DIS3L2: variants seen among roughly 807,000 people sequenced by gnomAD.
DIS3L2 encodes the protein DIS3-like exonuclease 2.
In DIS3L2, 34 loss-of-function variants were observed where a neutral mutation model predicts 97.5. The ratio of observed to expected loss-of-function variants is 0.35; its 90% CI spans 0.27 to 0.46. The LOEUF is 0.46. Among genes scored for constraint, DIS3L2 ranks in the 20% least tolerant of loss-of-function variants. The pLI, the probability that DIS3L2 is intolerant of heterozygous loss-of-function variation, is 1.00. For synonymous variants in DIS3L2, 435 were observed against 445.2 expected, an observed-to-expected ratio of 0.98 and a Z score of 0.29; for missense variants, 1,038 against 1,146.0, an observed-to-expected ratio of 0.91 and a Z score of 1.36.
chr2:232,249,042 C>A (rs1693343382), intron 11 of DIS3L2, among the ~76,000 whole-genome samples, 197 bp from the exon 12 acceptor site: 1 of 152,216 alleles, frequency 6.6e-6, no homozygotes, highest in Non-Finnish European at 1.5e-5. Flanking sequence ...TTTCCCAGCT[C>A]ATATTCCTAT....
chr2:232,272,803 C>A (rs1024733372), intron 13 of DIS3L2, among the ~76,000 whole-genome samples: 19 of 152,204 alleles, frequency 1.2e-4, no homozygotes, highest in African/African-American at 4.6e-4. Flanking sequence ...GTGCGACCTT[C>A]TCTGCTAGGT....
Position 231,967,925 on chromosome 2 carries a change from AT to A in DIS3L2, c.-94+6163del, listed in dbSNP as rs1304161939. 2.6e-5 allele frequency among the ~76,000 whole-genome samples: 4 copies of A among 152,238 alleles called. No homozygotes were observed. The East Asian group carries it at 7.7e-4, about 29-fold the overall frequency. On this transcript the variant is annotated intron_variant, in intron 1 of 20. Transcript: ENST00000325385. Reference sequence around the variant, plus strand: ...AATTTATTTGATTGATTTAAGACTGATTTATTGAGGTATAGTTGACAGGTTA... The same window carrying A: ...AATTTATTTGATTGATTTAAGACTGATTATTGAGGTATAGTTGACAGGTTA...
downstream of DIS3L2, among the ~76,000 whole-genome samples, chr2:232,337,627 C>T (rs532433965): frequency 4.6e-5 from 7 of 152,122 alleles, no homozygotes; most frequent in Non-Finnish European, 8.8e-5. Flanking sequence ...GGGGAAGCTC[C>T]GTGGCTTGGC....
intron 5 of DIS3L2, among the ~76,000 whole-genome samples, chr2:232,082,399 G>A (rs1559607677): frequency 1.3e-5 from 2 of 152,308 alleles, no homozygotes; most frequent in South Asian, 4.1e-4. Flanking sequence ...TGAGCAGTGG[G>A]CAAGTGAGCA....
At chr2:232,334,546 C>T (rs1314102562) in intron 18 of DIS3L2, 47 bp downstream of exon 18, 26 of 1,609,110 alleles carry the variant, frequency 1.6e-5, no homozygotes, top group Non-Finnish European at 2.1e-5. Flanking sequence ...GGCTCCCGAC[C>T]CTCCTGGGCA....
chr2:232,210,196 G>T (rs187785694), intron 9 of DIS3L2, 130 bp from the exon 10 acceptor site: 2 of 651,216 alleles, frequency 3.1e-6, no homozygotes, highest in Non-Finnish European at 5.6e-6. Context: ...TCTCATTCTC[G>T]TAGAAGTTAT....
chr2:232,027,103 CA>C (rs1367521249), intron 4 of DIS3L2, among the ~76,000 whole-genome samples: 3 of 152,004 alleles, frequency 2.0e-5, no homozygotes, highest in African/African-American at 7.3e-5. Context: ...TTTCCAGAAG[CA>C]TTATAGAAAG....
chr2:232,049,355 G>T (rs971180656), intron 5 of DIS3L2, among the ~76,000 whole-genome samples: 6 of 152,180 alleles, frequency 3.9e-5, no homozygotes, highest in African/African-American at 1.4e-4. Flanking sequence ...TGTATCCCCA[G>T]AATTCATGTG....
At chr2:232,329,785 T>TGCCCGGGGGGGGGGGCCCCC in intron 14 of DIS3L2, 28 bp from the exon 15 acceptor site, 6 of 967,134 alleles carry the variant, frequency 6.2e-6, no homozygotes, top group African/African-American at 1.7e-5. Context: ...ACCCCAGCGG[T>TGCCCGGGGGGGGGGGCCCCC]CCCTCCCATC....
Position 232,276,559 on chromosome 2 carries a change from G to T in DIS3L2, c.1659+13119G>T, listed in dbSNP as rs955703178. Among the ~76,000 whole-genome samples, 1 of 152,212 alleles carries T rather than the reference G, an allele frequency of 6.6e-6. No homozygotes were observed. Among genetic ancestry groups the T allele is most frequent in the African/African-American group, 2.4e-5 (1 of 41,456 alleles). The stretch of plus-strand genomic sequence containing the variant: ...TTGCCCAGAGGCCTCGCTCAGACTT[G>T]TTCCTTTTTGGTACATGTTTCCACT... On this transcript the variant is annotated intron_variant, in intron 13 of 20. Transcript: ENST00000325385. The surrounding 1 kb of genome is among the most constrained non-coding windows in gnomAD (Gnocchi z 4.4).
chr2:232,113,217 C>T (rs950103825), intron 6 of DIS3L2, among the ~76,000 whole-genome samples: 10 of 152,204 alleles, frequency 6.6e-5, no homozygotes, highest in African/African-American at 2.4e-4. Context: ...ACACCTGTTC[C>T]TAGCTGTCCT....
At chr2:232,188,216 G>A (rs973278382) in intron 9 of DIS3L2, among the ~76,000 whole-genome samples, 2 of 152,172 alleles carry the variant, frequency 1.3e-5, no homozygotes, top group Non-Finnish European at 2.9e-5. Flanking sequence ...TCCCCTCTGT[G>A]CAGAGAAGGG....
At chr2:231,974,041 T>TA (rs150413505) in intron 1 of DIS3L2, among the ~76,000 whole-genome samples, 1,719 of 152,128 alleles carry the variant, frequency 0.011, 19 homozygotes, top group Non-Finnish European at 0.016. Context: ...CTAATACAGT[T>TA]AAAAAAATAT....
chr2:232,193,831 A>G (rs888344262), intron 9 of DIS3L2, among the ~76,000 whole-genome samples: 1 of 152,234 alleles, frequency 6.6e-6, no homozygotes, highest in Non-Finnish European at 1.5e-5. Flanking sequence ...GAAGACCCCA[A>G]TTAAAGATTC....
At chr2:232,337,260 T>C, downstream of DIS3L2, 1 of 932,746 alleles carries the variant, frequency 1.1e-6, no homozygotes, top group Non-Finnish European at 1.3e-6. Flanking sequence ...TGTCCAACCC[T>C]GCCCCCACTT....
chr2:232,270,900 C>G lies in DIS3L2; in HGVS notation c.1659+7460C>G, dbSNP rs868024598. ...TCTCTCTCTCTCTCTCTCTCTCTCT[C>G]TCTCTCTCTCTCTCTGTCTCGTCTC... On this transcript the variant is annotated intron_variant, in intron 13 of 20. Coordinates refer to ENST00000325385, the MANE Select transcript of DIS3L2 (RefSeq NM_152383.5). Among the ~76,000 whole-genome samples the G allele has an allele frequency of 2.3e-3, 331 of 144,322 alleles. 1 individual carries two copies. The highest frequency in any genetic ancestry group is 8.6e-3 in the African/African-American group (306 of 35,558). The allele number at this position is 144,322 out of a possible 152,430, so 94.7% of individuals were successfully genotyped here.
chr2:232,207,596 C>G (rs1270270234), intron 9 of DIS3L2, among the ~76,000 whole-genome samples: 1 of 152,116 alleles, frequency 6.6e-6, no homozygotes. Context: ...TGACTCTCCT[C>G]GAAATATTTA....
chr2:231,971,795 A>T (rs916310254), intron 1 of DIS3L2, among the ~76,000 whole-genome samples: 1 of 148,362 alleles, frequency 6.7e-6, no homozygotes, highest in African/African-American at 2.5e-5. Context: ...TTGGCCCAGG[A>T]TGGTCTCAAA....
At chr2:232,186,004 A>C (rs1048893170) in intron 9 of DIS3L2, among the ~76,000 whole-genome samples, 5 of 152,204 alleles carry the variant, frequency 3.3e-5, no homozygotes, top group African/African-American at 1.2e-4. Context: ...ACTTTGACTT[A>C]ATTTTTAAAA....
Sources: gnomAD v4.1 joint callset for allele counts (sites outside exome capture counted in the v4.1 genomes callset) on GRCh38, gnomAD v4.1.1 for gene constraint, Gnocchi (gnomAD v3.1) non-coding constraint, MANE v1.5 for transcripts, NCBI Gene and HGNC (gene_info 2026-07-23, HGNC 2026-07-21) for gene names.